The following WNK3 variants were observed in gnomAD, a reference collection of about 807,000 sequenced individuals.
The protein encoded by WNK3 is serine/threonine-protein kinase WNK3.
Under a neutral mutation model 116.7 loss-of-function variants are expected in WNK3, and 18 were observed. That is an observed-to-expected ratio of 0.15 (90% CI 0.11 to 0.23). The LOEUF is 0.23. WNK3 is among the 10% of genes least tolerant of loss of function. The pLI is 1.00. For synonymous variants in WNK3, 404 were observed against 469.4 expected, an observed-to-expected ratio of 0.86 and a Z score of 1.80; for missense variants, 993 against 1,323.8, an observed-to-expected ratio of 0.75 and a Z score of 3.88.
At position 54,309,086 on chromosome X, in the gene WNK3, T is replaced by G; in HGVS notation, c.931+9A>C. 8.3e-7 allele frequency: 1 copy of G among 1,201,627 alleles called. No individual in the cohort carries two copies. Among genetic ancestry groups the G allele is most frequent in the Non-Finnish European group, 1.1e-6 (1 of 887,025 alleles). ...TTACCCAACCAGTAAACTGTAAAAC[T>G]TTAATCACCAATGACACTCTTAGCA... On this transcript the variant is annotated intron_variant, in intron 4 of 23. Transcript: ENST00000354646.
intron 22 of WNK3, among the ~76,000 whole-genome samples, chrX:54,210,574 C>T (rs781966270): frequency 3.6e-5 from 4 of 111,975 alleles, no homozygotes; most frequent in Admixed American, 9.5e-5. Context: ...TTACAGTGAG[C>T]TATGACTGAG....
At chrX:54,217,805 A>G (rs782216772) in intron 22 of WNK3, among the ~76,000 whole-genome samples, 1 of 111,400 alleles carries the variant, frequency 9.0e-6, no homozygotes, top group Non-Finnish European at 1.9e-5. Flanking sequence ...ATGGCCATAC[A>G]CTGCAGGGAA....
exon 12 of WNK3, chrX:54,255,813 T>C: frequency 8.3e-7 from 1 of 1,210,327 alleles, no homozygotes; most frequent in South Asian, 1.8e-5. Context: ...TTTGATCCGA[T>C]CCTGTTTGCC....
At chrX:54,193,245 T>G (rs1304183318) in exon 24 of WNK3, 1 of 111,506 alleles carries the variant, frequency 9.0e-6, no homozygotes, top group African/African-American at 3.3e-5. Context: ...ATGCTTAATA[T>G]ATCAAACAAA....
chrX:54,203,566 T>C (rs1300223646), intron 22 of WNK3, among the ~76,000 whole-genome samples: 3 of 111,542 alleles, frequency 2.7e-5, no homozygotes, highest in African/African-American at 9.8e-5. Flanking sequence ...GCCTGTGATA[T>C]AAACAAGTGT....
chrX:54,295,362 AT>A lies in WNK3; in HGVS notation c.1399-516del, dbSNP rs199777549. 3.2e-3 allele frequency among the ~76,000 whole-genome samples: 363 copies of A among 111,788 alleles called. 4 individuals are homozygous for A. The highest frequency in any genetic ancestry group is 0.011 in the African/African-American group (344 of 30,829). On this transcript the variant is annotated intron_variant, in intron 7 of 23. Coordinates refer to ENST00000354646, the Ensembl canonical transcript of WNK3. ...AGTATTACCAAGCATTGTTAAAATAATTCAGGCTTTAAACAAAAACGAACAA... is the reference window on the plus strand; with the variant it reads ...AGTATTACCAAGCATTGTTAAAATAATCAGGCTTTAAACAAAAACGAACAA...
chrX:54,333,769 G>A lies in WNK3; in HGVS notation c.-96C>T, dbSNP rs1227130829. The A allele has an allele frequency of 4.6e-6, 3 of 645,911 alleles. No individual in the cohort carries two copies. The highest frequency in any genetic ancestry group is 6.8e-6 in the Non-Finnish European group (3 of 438,189). 53.2% of individuals were successfully genotyped at this position (645,911 alleles called of 1,213,427 possible). On this transcript the variant is annotated 5_prime_UTR_variant, in exon 2 of 24. The change creates a new upstream start codon in the 5' untranslated region. Transcript: ENST00000354646. ...ATTATCAGAATGGACTTCCTTTTGC[G>A]TGGTCATGTATTTCCATAGCAACCT...
intron 20 of WNK3, among the ~76,000 whole-genome samples, chrX:54,234,346 T>C (rs1279155062): frequency 9.0e-6 from 1 of 111,140 alleles, no homozygotes; most frequent in East Asian, 2.9e-4. Flanking sequence ...CACTCCAGCA[T>C]GGGTAACATA....
At chrX:54,319,835 G>C (rs1557171758) in intron 2 of WNK3, among the ~76,000 whole-genome samples, 1 of 112,016 alleles carries the variant, frequency 8.9e-6, no homozygotes, top group Non-Finnish European at 1.9e-5. Context: ...CACTTTGGTA[G>C]AGAAACTTTC....
chrX:54,222,947 GAC>G lies in WNK3; in HGVS notation c.4870+5765_4870+5766del, dbSNP rs782223800. Among the ~76,000 whole-genome samples, 700 of 71,764 alleles carry G rather than the reference GAC, an allele frequency of 9.8e-3. 26 individuals carry two copies. Among genetic ancestry groups the G allele is most frequent in the Admixed American group, 0.087 (585 of 6,747 alleles). 62.3% of individuals were successfully genotyped at this position (71,764 alleles called of 115,157 possible). A position where few individuals can be genotyped will look rare whatever the true frequency, so the allele number is the denominator to read the frequency against. On this transcript the variant is annotated intron_variant, in intron 22 of 23. Transcript: ENST00000354646. ...ATATATATATATATATATAAAAAAA[GAC>G]ACAATAGAATTTAAATGCTACATTG...
chrX:54,257,356 G>A (rs2068203960), intron 11 of WNK3, among the ~76,000 whole-genome samples: 1 of 111,036 alleles, frequency 9.0e-6, no homozygotes, highest in Non-Finnish European at 1.9e-5. Flanking sequence ...GCCCAGCAGT[G>A]GGGGCCAGGG....
exon 24 of WNK3, chrX:54,196,039 T>C (rs1230922180): frequency 9.0e-6 from 1 of 111,348 alleles, no homozygotes; most frequent in Non-Finnish European, 1.9e-5. Flanking sequence ...ATTTTCACTT[T>C]ATAGGTTGTA....
At chrX:54,287,594 C>A (rs2068594516) in intron 10 of WNK3, among the ~76,000 whole-genome samples, 1 of 111,952 alleles carries the variant, frequency 8.9e-6, no homozygotes, top group South Asian at 3.7e-4. Flanking sequence ...CCCCATTAGA[C>A]AACAAACCTC....
At chrX:54,306,271 T>G (rs782517326) in intron 5 of WNK3, among the ~76,000 whole-genome samples, 1 of 111,043 alleles carries the variant, frequency 9.0e-6, no homozygotes, top group East Asian at 2.8e-4. Context: ...AAAACAGAAC[T>G]ACCATAGCAA....
At chrX:54,336,093 C>G (rs1447559639) in intron 1 of WNK3, among the ~76,000 whole-genome samples, 1 of 111,867 alleles carries the variant, frequency 8.9e-6, no homozygotes, top group Non-Finnish European at 1.9e-5. Context: ...AGTTCGAGAC[C>G]ATCCTGGGCA....
chrX:54,274,048 A>T (rs1363757355), intron 10 of WNK3, among the ~76,000 whole-genome samples: 3 of 111,694 alleles, frequency 2.7e-5, no homozygotes, highest in Non-Finnish European at 5.6e-5. Flanking sequence ...CAAATCAGAC[A>T]GGTGAACAGG....
intron 10 of WNK3, 31 bp downstream of exon 10, chrX:54,292,857 A>T (rs782158874): frequency 8.4e-7 from 1 of 1,188,324 alleles, no homozygotes; most frequent in South Asian, 1.9e-5. Context: ...ATTTGTTTAA[A>T]TGAATACAGA....
At chrX:54,331,722 C>G (rs2069173427) in intron 2 of WNK3, among the ~76,000 whole-genome samples, 1 of 111,377 alleles carries the variant, frequency 9.0e-6, no homozygotes, top group African/African-American at 3.3e-5. Flanking sequence ...GCACCCCAAT[C>G]CAGATTTATT....
At chrX:54,356,497 A>G (rs2069595670) in intron 1 of WNK3, among the ~76,000 whole-genome samples, 1 of 111,018 alleles carries the variant, frequency 9.0e-6, no homozygotes, top group South Asian at 3.8e-4. Context: ...CATTTTTGCT[A>G]TCCTTTAATG....
Sources: allele counts gnomAD v4.1 joint callset (sites outside exome capture counted in the v4.1 genomes callset), GRCh38; gene constraint gnomAD v4.1.1; transcripts MANE v1.5; gene names NCBI Gene and HGNC (gene_info 2026-07-23, HGNC 2026-07-21).